SFMBT2: variants seen among roughly 807,000 people sequenced by gnomAD.
SFMBT2 encodes the protein scm-like with four MBT domains protein 2.
SFMBT2 carries 38 observed loss-of-function variants against 110.1 expected under a neutral mutation model. The observed-to-expected ratio is 0.35, with a 90% confidence interval of 0.27 to 0.45. SFMBT2 has a LOEUF of 0.45. Ranked by LOEUF, SFMBT2 falls within the 20% of genes least tolerant of loss-of-function variation. The pLI is 1.00. For missense variants in SFMBT2, 1,011 were observed against 1,094.9 expected (o/e 0.92, Z 1.08); for synonymous variants, 425 against 425.4 (o/e 1.00, Z 0.01).
intron 11 of SFMBT2, chr10:7,206,243 G>A (rs955436309): frequency 3.3e-5 from 33 of 985,298 alleles, no homozygotes; most frequent in Non-Finnish European, 3.9e-5. Flanking sequence ...GATTGGCATC[G>A]GAGCAGGATT....
intron 4 of SFMBT2, among the ~76,000 whole-genome samples, chr10:7,358,012 C>T (rs191108355): frequency 2.0e-5 from 3 of 152,248 alleles, no homozygotes; most frequent in Admixed American, 1.3e-4. Context: ...GTGACATCAA[C>T]ATGGCCCTAG....
At chr10:7,214,400 G>A (rs565687975) in intron 11 of SFMBT2, among the ~76,000 whole-genome samples, 1 of 152,348 alleles carries the variant, frequency 6.6e-6, no homozygotes, top group South Asian at 2.1e-4. Context: ...AACAGCATGA[G>A]TTCAGAGAAC....
chr10:7,340,908 T>C (rs894299401), intron 4 of SFMBT2, among the ~76,000 whole-genome samples: 3 of 151,684 alleles, frequency 2.0e-5, no homozygotes, highest in African/African-American at 7.3e-5. Flanking sequence ...AAGGCATGTC[T>C]GGGGAAGAGC....
chr10:7,270,732 T>A (rs1841552902), intron 7 of SFMBT2, among the ~76,000 whole-genome samples: 1 of 152,222 alleles, frequency 6.6e-6, no homozygotes, highest in Non-Finnish European at 1.5e-5. Flanking sequence ...AATAATAGTC[T>A]GAATTCTTAT....
At chr10:7,296,052 T>A (rs1369216906) in intron 4 of SFMBT2, among the ~76,000 whole-genome samples, 1 of 152,218 alleles carries the variant, frequency 6.6e-6, no homozygotes, top group Non-Finnish European at 1.5e-5. Context: ...CTCTGCAAGG[T>A]ATCTTTAAAA....
At position 7,170,783 on chromosome 10, in the gene SFMBT2, G is replaced by C; in HGVS notation, c.2544+145C>G. 1.1e-6 allele frequency: 1 copy of C among 909,314 alleles called. No individual in the cohort carries two copies. The highest frequency in any genetic ancestry group is 1.6e-5 in the South Asian group (1 of 63,392). The allele number at this position is 909,314 out of a possible 1,614,324, so 56.3% of individuals were successfully genotyped here. ...CCAGGCAGCTCTCAGCAGGGGCCTT[G>C]GAGGGAGAAGGGTCTCGCACACCTG... On this transcript the variant is annotated intron_variant, in intron 20 of 20. Transcript: ENST00000397167. This position sits in a 1 kb window ranked among gnomAD's most constrained non-coding sequence, Gnocchi z 4.6.
intron 15 of SFMBT2, among the ~76,000 whole-genome samples, chr10:7,193,113 G>T (rs941762268): frequency 5.3e-5 from 8 of 152,134 alleles, no homozygotes; most frequent in Non-Finnish European, 1.2e-4. Context: ...TCTATAGAAG[G>T]TTACAGCTCA....
intron 4 of SFMBT2, among the ~76,000 whole-genome samples, chr10:7,352,228 G>T (rs932939582): frequency 6.6e-6 from 1 of 152,194 alleles, no homozygotes; most frequent in Non-Finnish European, 1.5e-5. Context: ...ATCCACAGGC[G>T]GATTCTCCCA....
chr10:7,286,412 A>G, intron 4 of SFMBT2: 1 of 970,752 alleles, frequency 1.0e-6, no homozygotes. Context: ...CAAAATAACA[A>G]GAGGGGTGGA....
At chr10:7,311,252 C>T (rs1038963383) in intron 4 of SFMBT2, among the ~76,000 whole-genome samples, 2 of 152,060 alleles carry the variant, frequency 1.3e-5, no homozygotes, top group Middle Eastern at 3.4e-3. Context: ...TTACTAAGAA[C>T]ATAATTGCCC....
At chr10:7,386,278 T>A (rs1248276707) in intron 1 of SFMBT2, among the ~76,000 whole-genome samples, 2 of 152,094 alleles carry the variant, frequency 1.3e-5, no homozygotes, top group African/African-American at 4.8e-5. Flanking sequence ...AGTGTCCTAG[T>A]GAGAAGAGAC....
rs976895309 is a variant in SFMBT2, at chr10:7,408,480, C to T, written c.-52+2381G>A. 3.9e-5 allele frequency among the ~76,000 whole-genome samples: 6 copies of T among 152,246 alleles called. No homozygotes were observed. The highest frequency in any genetic ancestry group is 8.8e-5 in the Non-Finnish European group (6 of 68,042). ...ACCTGGCCAACATGTCTTTGTAACC[C>T]TATCATTTAAAAACGCTTCCAGGCA... On this transcript the variant is annotated intron_variant, in intron 1 of 20. Transcript: ENST00000397167. The surrounding 1 kb of genome is among the most constrained non-coding windows in gnomAD (Gnocchi z 5.7).
chr10:7,255,899 G>A (rs927835810), intron 7 of SFMBT2, among the ~76,000 whole-genome samples: 1 of 152,188 alleles, frequency 6.6e-6, no homozygotes. Context: ...GAGCCTTTTC[G>A]ATTTCAGGTT....
rs142469552 is a variant in SFMBT2, at chr10:7,393,543, G to A, written c.-51-11594C>T. On this transcript the variant is annotated intron_variant, in intron 1 of 20. Coordinates refer to ENST00000397167, the MANE Select transcript of SFMBT2 (RefSeq NM_001387889.1). ...ACTTTGTCGTCCCAGGCATTCTACTGTGAGCAGAACATACCTGAAAGTGCA... is the reference window on the plus strand; with the variant it reads ...ACTTTGTCGTCCCAGGCATTCTACTATGAGCAGAACATACCTGAAAGTGCA... 2.8e-4 allele frequency among the ~76,000 whole-genome samples: 42 copies of A among 152,286 alleles called. No homozygotes were observed. The East Asian group carries it at 6.0e-3, about 22-fold the overall frequency.
intron 2 of SFMBT2, among the ~76,000 whole-genome samples, chr10:7,372,637 C>T (rs776040085): frequency 4.6e-5 from 7 of 152,172 alleles, no homozygotes; most frequent in Non-Finnish European, 8.8e-5. Flanking sequence ...AGAAAGCAGC[C>T]GTCTCCTGGA....
intron 4 of SFMBT2, among the ~76,000 whole-genome samples, chr10:7,342,209 G>A (rs879919930): frequency 1.3e-5 from 2 of 151,984 alleles, no homozygotes; most frequent in Non-Finnish European, 2.9e-5. Flanking sequence ...TGTCTGTTAT[G>A]ACAAGCAAAC....
intron 7 of SFMBT2, among the ~76,000 whole-genome samples, chr10:7,261,281 G>A (rs371597952): frequency 3.9e-5 from 6 of 152,248 alleles, no homozygotes; most frequent in South Asian, 2.1e-4. Flanking sequence ...TTTTTCCTTC[G>A]TACCTTTTTA....
intron 1 of SFMBT2, among the ~76,000 whole-genome samples, chr10:7,402,875 A>G (rs960077415): frequency 2.0e-5 from 3 of 152,248 alleles, no homozygotes; most frequent in African/African-American, 7.2e-5. Flanking sequence ...AACACTGTTT[A>G]GAAGGAAAAA....
At position 7,172,011 on chromosome 10, in the gene SFMBT2, A is replaced by C. The variant is rs937564523; in HGVS notation, c.2299T>G (p.Ser767Ala). 2 of 1,573,148 alleles carry C rather than the reference A, an allele frequency of 1.3e-6. No homozygotes were observed. Among genetic ancestry groups the C allele is most frequent in the Non-Finnish European group, 1.7e-6 (2 of 1,162,104 alleles). ...PRRAVTLRSGSEPVRRPPPER... is the reference protein window; with the variant it reads ...PRRAVTLRSGAEPVRRPPPER... ...GGGGGTGGCCGGCGCACGGGCTCTGAGCCGCTCCGCAGGGTGACGGCCCTC... is the reference window on the plus strand; with the variant it reads ...GGGGGTGGCCGGCGCACGGGCTCTGCGCCGCTCCGCAGGGTGACGGCCCTC... The change falls in exon 19 of 21, where the codon TCA becomes GCA. Residue 767 changes from serine to alanine, a missense_variant. Ser to Ala is a moderately conservative substitution (Grantham distance 99, BLOSUM62 1). Transcript: ENST00000397167. This position sits in a 1 kb window ranked among gnomAD's most constrained non-coding sequence, Gnocchi z 4.6.
Sources: gnomAD v4.1 joint callset for allele counts (sites outside exome capture counted in the v4.1 genomes callset) on GRCh38, gnomAD v4.1.1 for gene constraint, Gnocchi (gnomAD v3.1) non-coding constraint, MANE v1.5 for transcripts, NCBI Gene and HGNC (gene_info 2026-07-23, HGNC 2026-07-21) for gene names.